PTCHD4: variants seen among roughly 807,000 people sequenced by gnomAD.
The protein encoded by PTCHD4 is patched domain-containing protein 4.
PTCHD4 carries 33 observed loss-of-function variants against 58.1 expected under a neutral mutation model. The observed-to-expected ratio is 0.57, with a 90% confidence interval of 0.43 to 0.76. The LOEUF (loss-of-function observed/expected upper bound fraction) is 0.76. PTCHD4 is among the 30% of genes least tolerant of loss of function. The pLI is 0.00. For synonymous variants in PTCHD4, 478 were observed against 409.6 expected, an observed-to-expected ratio of 1.17 and a Z score of -2.02; for missense variants, 1,058 against 1,027.1, an observed-to-expected ratio of 1.03 and a Z score of -0.41.
chr6:47,948,904 A>T (rs1766517691), intron 4 of PTCHD4, among the ~76,000 whole-genome samples: 1 of 152,138 alleles, frequency 6.6e-6, no homozygotes, highest in South Asian at 2.1e-4. Flanking sequence ...AATTACTTGC[A>T]GCTCACTTAT....
intron 3 of PTCHD4, among the ~76,000 whole-genome samples, chr6:48,036,151 AT>A (rs1374250833): frequency 6.6e-6 from 1 of 151,814 alleles, no homozygotes; most frequent in African/African-American, 2.4e-5. Context: ...AAAAAGTTTA[AT>A]TTTTTTTCAC....
rs140900071 is a variant in PTCHD4 at position 47,975,374 on chromosome 6, C to A, written c.898+33260G>T. ...TTTATTGTTTCTCGGCATCTGTTTT[C>A]CTAATCTTCTTTTTTTTACATTTTT... On this transcript the variant is annotated intron_variant, in intron 4 of 4. Transcript: ENST00000339488. 3.1e-3 allele frequency among the ~76,000 whole-genome samples: 475 copies of A among 152,162 alleles called. 4 individuals carry two copies. The highest frequency in any genetic ancestry group is 9.5e-3 in the African/African-American group (395 of 41,538).
At chr6:48,048,459 G>GAGTTTCAC (rs1187393734) in intron 3 of PTCHD4, among the ~76,000 whole-genome samples, 1 of 151,856 alleles carries the variant, frequency 6.6e-6, no homozygotes, top group East Asian at 1.9e-4. Flanking sequence ...TTGTTTAACT[G>GAGTTTCAC]AGTTTCACAA....
Position 47,932,727 on chromosome 6 carries a change from G to A in PTCHD4, c.899-52791C>T, listed in dbSNP as rs140909644. Among the ~76,000 whole-genome samples, 18 of 152,326 alleles carry A rather than the reference G, an allele frequency of 1.2e-4. No individual in the cohort carries two copies. In the East Asian group the frequency reaches 3.5e-3, roughly 29 times the overall value. On this transcript the variant is annotated intron_variant, in intron 4 of 4. Coordinates refer to ENST00000339488, the MANE Select transcript of PTCHD4 (RefSeq NM_001384253.1). ...AGCAAGCGCAAGGCTAGTTCTGTGTGGTACAGTGTGAGGGTCAGGAGCACG... is the reference window on the plus strand; with the variant it reads ...AGCAAGCGCAAGGCTAGTTCTGTGTAGTACAGTGTGAGGGTCAGGAGCACG...
intron 4 of PTCHD4, among the ~76,000 whole-genome samples, chr6:47,942,243 A>G (rs890407125): frequency 2.4e-4 from 36 of 152,232 alleles, no homozygotes; most frequent in Admixed American, 2.4e-3. Flanking sequence ...GGAGTTGCAA[A>G]TACATCCTAG....
chr6:48,018,994 T>G (rs116415939), intron 3 of PTCHD4, among the ~76,000 whole-genome samples: 1 of 152,228 alleles, frequency 6.6e-6, no homozygotes, highest in South Asian at 2.1e-4. Flanking sequence ...CCAGAGGCTA[T>G]AGGACTATGA....
intron 4 of PTCHD4, among the ~76,000 whole-genome samples, chr6:47,964,629 T>C (rs182257291): frequency 1.3e-5 from 2 of 152,304 alleles, no homozygotes; most frequent in Admixed American, 6.5e-5. Context: ...CAATTGTAAA[T>C]GTCGCAAAGT....
intron 4 of PTCHD4, among the ~76,000 whole-genome samples, chr6:47,937,956 C>G (rs1453109978): frequency 2.0e-5 from 3 of 152,104 alleles, no homozygotes; most frequent in African/African-American, 7.2e-5. Context: ...AGTTCAAGAA[C>G]AGCCTGACCT....
intron 4 of PTCHD4, among the ~76,000 whole-genome samples, chr6:47,967,377 G>C (rs1767332649): frequency 6.6e-6 from 1 of 152,132 alleles, no homozygotes; most frequent in Non-Finnish European, 1.5e-5. Flanking sequence ...TACCTTTATA[G>C]AGCATGGGCA....
chr6:48,049,633 C>T (rs1245814085), intron 3 of PTCHD4, among the ~76,000 whole-genome samples: 1 of 151,920 alleles, frequency 6.6e-6, no homozygotes, highest in Non-Finnish European at 1.5e-5. Context: ...TAAAGGTGAT[C>T]CATTTTTCCT....
At chr6:48,077,856 GCACCCCAAAA>G (rs1189273139) in intron 1 of PTCHD4, among the ~76,000 whole-genome samples, 1 of 151,992 alleles carries the variant, frequency 6.6e-6, no homozygotes, top group Non-Finnish European at 1.5e-5. Flanking sequence ...GCAGTTTAAG[GCACCCCAAAA>G]CAATTACAAT....
chr6:47,940,950 T>C (rs1356980295), intron 4 of PTCHD4, among the ~76,000 whole-genome samples: 1 of 152,180 alleles, frequency 6.6e-6, no homozygotes, highest in Non-Finnish European at 1.5e-5. Flanking sequence ...AGATAACTAA[T>C]AAATCTTGAC....
chr6:47,968,614 C>T (rs1767385157), intron 4 of PTCHD4, among the ~76,000 whole-genome samples: 1 of 152,170 alleles, frequency 6.6e-6, no homozygotes, highest in African/African-American at 2.4e-5. Flanking sequence ...GAACTAGGTG[C>T]TTTCCTGAAT....
intron 4 of PTCHD4, among the ~76,000 whole-genome samples, chr6:47,998,349 G>A (rs1178592426): frequency 6.6e-6 from 1 of 152,122 alleles, no homozygotes; most frequent in African/African-American, 2.4e-5. Flanking sequence ...GACTCAAGAA[G>A]TAAAAAGCAA....
At chr6:47,936,966 T>G (rs1581903989) in intron 4 of PTCHD4, among the ~76,000 whole-genome samples, 1 of 152,144 alleles carries the variant, frequency 6.6e-6, no homozygotes, top group Non-Finnish European at 1.5e-5. Context: ...AGGGAACAGC[T>G]AATGTGAAGG....
intron 4 of PTCHD4, among the ~76,000 whole-genome samples, chr6:47,922,341 C>T (rs1440057993): frequency 1.3e-5 from 2 of 152,126 alleles, no homozygotes; most frequent in African/African-American, 4.8e-5. Flanking sequence ...GACTTCACTC[C>T]TCTCTGACTC....
At chr6:47,949,007 T>C (rs751587945) in intron 4 of PTCHD4, among the ~76,000 whole-genome samples, 4 of 152,238 alleles carry the variant, frequency 2.6e-5, no homozygotes, top group Non-Finnish European at 5.9e-5. Context: ...AATTAAATGC[T>C]GTTCATGGAG....
chr6:47,939,797 CT>C, intron 4 of PTCHD4, among the ~76,000 whole-genome samples: 1 of 152,126 alleles, frequency 6.6e-6, no homozygotes, highest in East Asian at 1.9e-4. Context: ...GCAGTTTTAC[CT>C]GTTATTTATT....
chr6:47,897,556 G>A (rs1465388259), intron 4 of PTCHD4, among the ~76,000 whole-genome samples: 2 of 152,208 alleles, frequency 1.3e-5, no homozygotes, highest in African/African-American at 4.8e-5. Flanking sequence ...GGAGGGAGAT[G>A]TCATTAAGAC....
Sources: allele counts gnomAD v4.1 joint callset (sites outside exome capture counted in the v4.1 genomes callset), GRCh38; gene constraint gnomAD v4.1.1; transcripts MANE v1.5; gene names NCBI Gene and HGNC (gene_info 2026-07-23, HGNC 2026-07-21).